The following ZNF385B variants were observed in gnomAD, a reference collection of about 807,000 sequenced individuals.
ZNF385B encodes zinc finger protein 533.
In ZNF385B, 23 loss-of-function variants were observed where a neutral mutation model predicts 39.2. That is an observed-to-expected ratio of 0.59 (90% CI 0.42 to 0.83). The LOEUF (loss-of-function observed/expected upper bound fraction) is 0.83, where lower values mean the gene tolerates loss of function less well. Ranked by LOEUF, ZNF385B falls within the 40% of genes least tolerant of loss-of-function variation. The probability of loss-of-function intolerance (pLI) is 0.00; values close to 1 mark genes in which losing one functional copy is unlikely to be tolerated. For synonymous variants in ZNF385B, 205 were observed against 222.6 expected, an observed-to-expected ratio of 0.92 and a Z score of 0.70; for missense variants, 552 against 598.9, an observed-to-expected ratio of 0.92 and a Z score of 0.82.
intron 1 of ZNF385B, among the ~76,000 whole-genome samples, chr2:179,777,627 T>C (rs1405806781): frequency 6.6e-6 from 1 of 152,152 alleles, no homozygotes; most frequent in African/African-American, 2.4e-5. Context: ...AAAAGGAATC[T>C]ATTTGAGAAT....
At chr2:179,811,125 T>C (rs201040120) in intron 1 of ZNF385B, among the ~76,000 whole-genome samples, 1 of 152,038 alleles carries the variant, frequency 6.6e-6, no homozygotes, top group Non-Finnish European at 1.5e-5. Flanking sequence ...ATTTTCATAG[T>C]GATAACTTCA....
At chr2:179,668,494 A>C (rs1003062663) in intron 3 of ZNF385B, among the ~76,000 whole-genome samples, 5 of 152,030 alleles carry the variant, frequency 3.3e-5, no homozygotes, top group Admixed American at 6.6e-5. Context: ...ATTAGTCATT[A>C]ACCCTCCTTA....
intron 1 of ZNF385B, among the ~76,000 whole-genome samples, chr2:179,843,950 G>A (rs1004248489): frequency 6.6e-6 from 1 of 152,226 alleles, no homozygotes; most frequent in Non-Finnish European, 1.5e-5. Context: ...TTGGGAGACA[G>A]CAACCCCATT....
intron 3 of ZNF385B, among the ~76,000 whole-genome samples, chr2:179,687,064 T>C (rs1334948257): frequency 6.6e-6 from 1 of 150,936 alleles, no homozygotes; most frequent in Non-Finnish European, 1.5e-5. Flanking sequence ...ATCACAGCCA[T>C]ATTTTCAACT....
chr2:179,838,176 T>C (rs1708354227), intron 1 of ZNF385B, among the ~76,000 whole-genome samples: 1 of 152,250 alleles, frequency 6.6e-6, no homozygotes, highest in Non-Finnish European at 1.5e-5. Context: ...AATGCTGTGC[T>C]TGTTTTTAAA....
intron 3 of ZNF385B, among the ~76,000 whole-genome samples, chr2:179,713,891 AT>A (rs1344115095): frequency 6.6e-6 from 1 of 152,176 alleles, no homozygotes; most frequent in Non-Finnish European, 1.5e-5. Context: ...CCAGTCCCCT[AT>A]TTTTGCCCTA....
rs973839053 is a variant in ZNF385B, at chr2:179,590,824, C to A, written c.299-45855G>T. On this transcript the variant is annotated intron_variant, in intron 3 of 9. Coordinates refer to ENST00000410066, the MANE Select transcript of ZNF385B (RefSeq NM_152520.6). ...TGCCATGTAAGATGTCCCTTACACA[C>A]CCCTTGCCTTCCACCATGATTGTAA... Among the ~76,000 whole-genome samples the A allele has an allele frequency of 1.6e-4, 24 of 152,140 alleles. 1 individual carries two copies. Among genetic ancestry groups the A allele is most frequent in the African/African-American group, 5.6e-4 (23 of 41,426 alleles).
chr2:179,654,788 A>T (rs1196694269), intron 3 of ZNF385B, among the ~76,000 whole-genome samples: 1 of 152,210 alleles, frequency 6.6e-6, no homozygotes, highest in African/African-American at 2.4e-5. Flanking sequence ...AATGGCATTA[A>T]GTAAACTTAA....
Position 179,524,405 on chromosome 2 carries a change from A to T in ZNF385B, c.442-5767T>A, listed in dbSNP as rs990918988. On this transcript the variant is annotated intron_variant, in intron 4 of 9. Coordinates refer to ENST00000410066, the MANE Select transcript of ZNF385B (RefSeq NM_152520.6). ...GTCTCTACTAAAAATAAAAAAAATT[A>T]GCCGGGCGTGGTGGTGGGCGCCTGT... is the stretch of plus-strand genomic sequence containing the variant. 1.9e-4 allele frequency among the ~76,000 whole-genome samples: 29 copies of T among 151,782 alleles called. 1 individual carries two copies. The highest frequency in any genetic ancestry group is 6.8e-4 in the African/African-American group (28 of 41,376).
At chr2:179,542,438 A>ATGT (rs1371458727) in intron 4 of ZNF385B, among the ~76,000 whole-genome samples, 2 of 152,162 alleles carry the variant, frequency 1.3e-5, no homozygotes, top group African/African-American at 4.8e-5. Flanking sequence ...TTTGAAAATT[A>ATGT]TGTTTATACT....
At chr2:179,748,916 AT>A (rs200509103) in intron 3 of ZNF385B, among the ~76,000 whole-genome samples, 1,958 of 152,212 alleles carry the variant, frequency 0.013, 19 homozygotes, top group Non-Finnish European at 0.021. Context: ...TCCAGGTGGC[AT>A]TTATGTGAAG....
intron 1 of ZNF385B, among the ~76,000 whole-genome samples, chr2:179,843,417 C>T (rs1473528573): frequency 6.6e-6 from 1 of 152,142 alleles, no homozygotes; most frequent in African/African-American, 2.4e-5. Context: ...ATTTTGTTAA[C>T]AGAAAAATAG....
At chr2:179,818,606 G>A (rs1279150500) in intron 1 of ZNF385B, among the ~76,000 whole-genome samples, 1 of 152,094 alleles carries the variant, frequency 6.6e-6, no homozygotes, top group Non-Finnish European at 1.5e-5. Flanking sequence ...TGCAAGAAAC[G>A]TTTCAGCTTT....
At chr2:179,553,676 T>C (rs2060720860) in intron 3 of ZNF385B, among the ~76,000 whole-genome samples, 1 of 149,070 alleles carries the variant, frequency 6.7e-6, no homozygotes. Flanking sequence ...CTAAAGTAGG[T>C]TATATGTAAA....
chr2:179,540,909 C>T (rs1030925286), intron 4 of ZNF385B, among the ~76,000 whole-genome samples: 1 of 152,168 alleles, frequency 6.6e-6, no homozygotes, highest in African/African-American at 2.4e-5. Context: ...CTTTGAATGA[C>T]ACATAGTTGA....
At chr2:179,845,245 A>G (rs1049350606) in intron 1 of ZNF385B, among the ~76,000 whole-genome samples, 3 of 152,184 alleles carry the variant, frequency 2.0e-5, no homozygotes, top group Non-Finnish European at 2.9e-5. Flanking sequence ...TCCCAGTTCA[A>G]TTCTTTAGTG....
At chr2:179,788,917 G>A (rs1355878289) in intron 1 of ZNF385B, among the ~76,000 whole-genome samples, 1 of 152,156 alleles carries the variant, frequency 6.6e-6, no homozygotes, top group African/African-American at 2.4e-5. Context: ...TGTGGAACAA[G>A]AGCCTGATGA....
chr2:179,490,839 A>C (rs2105647271), intron 5 of ZNF385B, among the ~76,000 whole-genome samples: 1 of 152,296 alleles, frequency 6.6e-6, no homozygotes, highest in Admixed American at 6.5e-5. Flanking sequence ...ACAGCGCATA[A>C]GAGAGACAAT....
At chr2:179,663,603 G>A (rs547188706) in intron 3 of ZNF385B, among the ~76,000 whole-genome samples, 87 of 151,624 alleles carry the variant, frequency 5.7e-4, no homozygotes, top group Admixed American at 9.2e-4. Context: ...CCAGCTAATC[G>A]GGAGGCTGAG....
Sources: allele counts gnomAD v4.1 joint callset (sites outside exome capture counted in the v4.1 genomes callset), GRCh38; gene constraint gnomAD v4.1.1; transcripts MANE v1.5; gene names NCBI Gene and HGNC (gene_info 2026-07-23, HGNC 2026-07-21).